FALEC: variants seen among roughly 807,000 people sequenced by gnomAD.
The protein encoded by FALEC is focally amplified lncRNA regulator of ECM1, also known as focally amplified lncRNA on chromosome 1.
chr1:150,525,206 G>A, the FALEC span, among the ~76,000 whole-genome samples: 1 of 152,164 alleles, frequency 6.6e-6, no homozygotes, highest in South Asian at 2.1e-4. Context: ...AGAATCGCTT[G>A]AACCCAGTAG....
chr1:150,521,924 A>G (rs1670648081), downstream of FALEC, among the ~76,000 whole-genome samples: 1 of 152,218 alleles, frequency 6.6e-6, no homozygotes, highest in African/African-American at 2.4e-5. Flanking sequence ...GGAACAGTAT[A>G]TACAGATTCT....
chr1:150,526,349 C>CAAAAAA, the FALEC span, among the ~76,000 whole-genome samples: 6,338 of 61,324 alleles, frequency 0.1, 251 homozygotes, highest in Non-Finnish European at 0.14. Context: ...AACTCCGTCT[C>CAAAAAA]AAAAAAAAAA....
chr1:150,522,137 C>T (rs1670651369), downstream of FALEC, among the ~76,000 whole-genome samples: 1 of 151,712 alleles, frequency 6.6e-6, no homozygotes, highest in African/African-American at 2.4e-5. Context: ...ATCCCAGCTA[C>T]TCTGGAGGTG....
chr1:150,534,391 C>T, the FALEC span, among the ~76,000 whole-genome samples: 1 of 152,224 alleles, frequency 6.6e-6, no homozygotes, highest in Non-Finnish European at 1.5e-5. Context: ...AGGCACCTGG[C>T]TGGCCCCAAC....
chr1:150,521,967 A>G, downstream of FALEC, among the ~76,000 whole-genome samples: 1 of 152,170 alleles, frequency 6.6e-6, no homozygotes, highest in East Asian at 1.9e-4. Flanking sequence ...AAAGCCACCC[A>G]GGTGTGGTGG....
chr1:150,516,235 A>C (rs1384778746), intron 1 of FALEC, among the ~76,000 whole-genome samples: 6 of 143,962 alleles, frequency 4.2e-5, no homozygotes, highest in African/African-American at 1.3e-4. Context: ...GCGAGAGAGG[A>C]GACTCTGTCT....
the FALEC span, among the ~76,000 whole-genome samples, chr1:150,523,380 G>A: frequency 1.3e-4 from 20 of 151,230 alleles, no homozygotes; most frequent in East Asian, 2.0e-4. Context: ...GCGACCAGGC[G>A]CGGTGGCTCA....
At chr1:150,532,585 G>A in the FALEC span, among the ~76,000 whole-genome samples, 19 of 152,220 alleles carry the variant, frequency 1.2e-4, no homozygotes, top group South Asian at 1.0e-3. Context: ...GCCAGCACCC[G>A]CCTTGGTGGG....
chr1:150,527,075 G>A, the FALEC span, among the ~76,000 whole-genome samples: 1 of 149,528 alleles, frequency 6.7e-6, no homozygotes, highest in Non-Finnish European at 1.5e-5. Flanking sequence ...GAGAAGTTGG[G>A]ACTACAGGCA....
the FALEC span, among the ~76,000 whole-genome samples, chr1:150,534,592 C>T: frequency 1.3e-5 from 2 of 152,160 alleles, no homozygotes; most frequent in East Asian, 3.9e-4. Context: ...GCCTGTAATC[C>T]CAGCACTTTG....
chr1:150,526,349 C>CAAAAAAAAA, the FALEC span, among the ~76,000 whole-genome samples: 2 of 61,830 alleles, frequency 3.2e-5, no homozygotes, highest in African/African-American at 6.4e-5. Context: ...AACTCCGTCT[C>CAAAAAAAAA]AAAAAAAAAA....
chr1:150,518,149 CTG>C (rs1232726310), downstream of FALEC: 2 of 152,156 alleles, frequency 1.3e-5, no homozygotes, highest in Non-Finnish European at 2.9e-5. Flanking sequence ...ACTGTACAAT[CTG>C]TCAGTTTTTC....
At chr1:150,517,470 A>C (rs777651849) in intron 1 of FALEC, among the ~76,000 whole-genome samples, 1 of 152,086 alleles carries the variant, frequency 6.6e-6, no homozygotes. Context: ...TGTACCCCCA[A>C]ATGCATTTGT....
the FALEC span, among the ~76,000 whole-genome samples, chr1:150,534,127 C>T: frequency 6.6e-6 from 1 of 152,174 alleles, no homozygotes; most frequent in African/African-American, 2.4e-5. Context: ...CAGATCCTAA[C>T]CCAGGTGGCC....
At chr1:150,519,307 C>T (rs1329121152), downstream of FALEC, among the ~76,000 whole-genome samples, 1 of 152,194 alleles carries the variant, frequency 6.6e-6, no homozygotes, top group Non-Finnish European at 1.5e-5. Flanking sequence ...ACCCTAAAAG[C>T]AGTCATTTTG....
chr1:150,527,089 A>C, the FALEC span, among the ~76,000 whole-genome samples: 1 of 147,398 alleles, frequency 6.8e-6, no homozygotes, highest in East Asian at 2.0e-4. Context: ...ACAGGCACCC[A>C]CCACCACACC....
chr1:150,521,351 A>G (rs1191593842), downstream of FALEC, among the ~76,000 whole-genome samples: 1 of 152,016 alleles, frequency 6.6e-6, no homozygotes, highest in Non-Finnish European at 1.5e-5. Context: ...TGAGAGTTCC[A>G]CTTGTTCTAC....
the FALEC span, among the ~76,000 whole-genome samples, chr1:150,534,994 A>G: frequency 6.6e-6 from 1 of 152,094 alleles, no homozygotes; most frequent in Admixed American, 6.6e-5. Flanking sequence ...ATCCCCAGTA[A>G]TCTGGGTCCA....
the FALEC span, among the ~76,000 whole-genome samples, chr1:150,529,094 G>A: frequency 6.7e-6 from 1 of 148,520 alleles, no homozygotes. Context: ...CGTGAAAGGT[G>A]TGAATTGAAA....
Sources: gnomAD v4.1 joint callset for allele counts (sites outside exome capture counted in the v4.1 genomes callset) on GRCh38, gnomAD v4.1.1 for gene constraint, MANE v1.5 for transcripts, NCBI Gene and HGNC (gene_info 2026-07-23, HGNC 2026-07-21) for gene names.